The following TSPAN16 variants were observed in gnomAD, a reference collection of about 807,000 sequenced individuals.
TSPAN16 encodes the protein tetraspanin 16.
A neutral mutation model predicts 25.2 loss-of-function variants in TSPAN16; 23 were observed. That is an observed-to-expected ratio of 0.91 (90% CI 0.66 to 1.29). The LOEUF (loss-of-function observed/expected upper bound fraction) is 1.29, where lower values mean the gene tolerates loss of function less well. TSPAN16 is among the 50% of genes most tolerant of loss of function. TSPAN16 has a pLI of 0.00. For missense variants in TSPAN16, 272 were observed against 299.9 expected (o/e 0.91, Z 0.69); for synonymous variants, 123 against 124.4 (o/e 0.99, Z 0.08).
chr19:11,320,047 TG>T (rs1339247344), downstream of TSPAN16, among the ~76,000 whole-genome samples: 3 of 151,516 alleles, frequency 2.0e-5, no homozygotes, highest in African/African-American at 7.3e-5. Flanking sequence ...CTCGATCTCT[TG>T]ACCTCGTGAC....
At chr19:11,315,158 C>G (rs1181705175) in intron 6 of TSPAN16, among the ~76,000 whole-genome samples, 1 of 150,166 alleles carries the variant, frequency 6.7e-6, no homozygotes, top group African/African-American at 2.5e-5. Flanking sequence ...ATTGCTTGAA[C>G]CCGGGAGATG....
downstream of TSPAN16, chr19:11,316,086 G>GGTGTGTGTGTGTGTGTGTGT (rs147500274): frequency 4.1e-4 from 106 of 257,578 alleles, 1 homozygote; most frequent in African/African-American, 3.0e-3. Flanking sequence ...AATTATTCTT[G>GGTGTGTGTGTGTGTGTGTGT]GTGTGTGTGT....
Position 11,298,899 on chromosome 19 carries a change from A to T in TSPAN16, c.295A>T (p.Ile99Phe), listed in dbSNP as rs769346994. ...FCILSMVIVL[I>F]MEVTAATVVL... ...CATCCTGTCAATGGTTATTGTCCTC[A>T]TCATGGAAGTTACAGCTGCCACAGT... is the stretch of plus-strand genomic sequence containing the variant. The change falls in exon 3 of 7, where the codon ATC becomes TTC. Residue 99 changes from isoleucine (I) to phenylalanine (F), a missense_variant. Coordinates refer to ENST00000590327, the MANE Select transcript of TSPAN16 (RefSeq NM_001282509.2). The T allele has an allele frequency of 2.5e-6, 4 of 1,614,032 alleles. No homozygotes were observed. The South Asian group carries it at 4.4e-5, about 18-fold the overall frequency.
intron 5 of TSPAN16, among the ~76,000 whole-genome samples, chr19:11,310,589 A>T (rs564798786): frequency 2.7e-4 from 41 of 151,574 alleles, no homozygotes; most frequent in African/African-American, 8.5e-4. Flanking sequence ...CTGCCAACGC[A>T]CTTTGCCTGG....
downstream of TSPAN16, among the ~76,000 whole-genome samples, chr19:11,320,673 C>CAAA (rs34867288): frequency 4.4e-4 from 50 of 114,378 alleles, no homozygotes; most frequent in African/African-American, 1.1e-3. Flanking sequence ...ACCTTGTCTC[C>CAAA]AAAAAAAAAA....
intron 1 of TSPAN16, 24 bp downstream of exon 1, chr19:11,296,390 C>T (rs752891863): frequency 1.9e-6 from 3 of 1,612,932 alleles, no homozygotes; most frequent in South Asian, 1.1e-5. Flanking sequence ...AATCCAGGCC[C>T]CTGGTTTGTT....
chr19:11,312,069 G>C, intron 5 of TSPAN16, 70 bp from the exon 6 acceptor site: 1 of 1,186,018 alleles, frequency 8.4e-7, no homozygotes, highest in South Asian at 1.3e-5. Context: ...TAATGAGTTG[G>C]GGTTGATGGG....
Position 11,298,124 on chromosome 19 carries a change from C to A in TSPAN16, c.70-18C>A. 3 of 1,613,194 alleles carry A rather than the reference C, an allele frequency of 1.9e-6. No individual in the cohort carries two copies. The highest frequency in any genetic ancestry group is 1.7e-6 in the Non-Finnish European group (2 of 1,179,174). On this transcript the variant is annotated intron_variant, in intron 1 of 6. Coordinates refer to ENST00000590327, the MANE Select transcript of TSPAN16 (RefSeq NM_001282509.2). The stretch of plus-strand genomic sequence containing the variant: ...ACTAACAGATTACTTTTCTTCCTTT[C>A]TGGTTTCTGTTCTAAAGGTGTCTGG...
chr19:11,325,908 T>C (rs28579547), intron 6 of TSPAN16, among the ~76,000 whole-genome samples: 12,654 of 151,628 alleles, frequency 0.083, 1,029 homozygotes, highest in African/African-American at 0.22. Context: ...GCCCTATCTC[T>C]ACAATAAATT....
intron 4 of TSPAN16, among the ~76,000 whole-genome samples, chr19:11,302,660 C>CATATATATATTTTATAT (rs1320880788): frequency 4.1e-5 from 4 of 97,826 alleles, no homozygotes; most frequent in African/African-American, 2.1e-4. Context: ...TATACACATA[C>CATATATATATTTTATAT]ATATATATAT....
At chr19:11,310,723 C>T (rs2080681813) in intron 5 of TSPAN16, among the ~76,000 whole-genome samples, 2 of 152,124 alleles carry the variant, frequency 1.3e-5, no homozygotes, top group Admixed American at 6.6e-5. Flanking sequence ...CCACTGAATA[C>T]GTCAGCTCTT....
At chr19:11,310,690 A>G (rs565883680) in intron 5 of TSPAN16, among the ~76,000 whole-genome samples, 10 of 152,282 alleles carry the variant, frequency 6.6e-5, no homozygotes, top group Non-Finnish European at 1.5e-5. Context: ...AGAAATGAGT[A>G]AGAAAATATG....
At position 11,298,077 on chromosome 19, in the gene TSPAN16, C is replaced by T. The variant is rs541062303; in HGVS notation, c.70-65C>T. ...GATTACAGGCATGAGCCACCGCACT[C>T]ACCCAGTTCTATTTGTATACAACTA... On this transcript the variant is annotated intron_variant, in intron 1 of 6. Transcript: ENST00000590327. 8 of 1,556,716 alleles carry T rather than the reference C, an allele frequency of 5.1e-6. No homozygotes were observed. The Admixed American group carries it at 6.8e-5, about 13-fold the overall frequency.
chr19:11,308,455 C>T lies in TSPAN16; in HGVS notation c.603+1699C>T, dbSNP rs184450647. Among the ~76,000 whole-genome samples, 26 of 151,202 alleles carry T rather than the reference C, an allele frequency of 1.7e-4. No homozygotes were observed. In the East Asian group the frequency reaches 2.3e-3, roughly 14 times the overall value. On this transcript the variant is annotated intron_variant, in intron 5 of 6. Coordinates refer to ENST00000590327, the MANE Select transcript of TSPAN16 (RefSeq NM_001282509.2). ...CTGGGATTACAGGCGTGTGCTACCA[C>T]GCCCAGCTAATTTTTGCATTTTTTT...
intron 6 of TSPAN16, among the ~76,000 whole-genome samples, chr19:11,312,598 A>G (rs1341310877): frequency 6.6e-6 from 1 of 151,920 alleles, no homozygotes; most frequent in African/African-American, 2.4e-5. Context: ...CATCTCTACA[A>G]AAACAAAAAT....
chr19:11,308,398 A>G (rs534104102), intron 5 of TSPAN16, among the ~76,000 whole-genome samples: 1 of 152,202 alleles, frequency 6.6e-6, no homozygotes, highest in South Asian at 2.1e-4. Flanking sequence ...TCCCAGGTTC[A>G]GGTGATTCTC....
intron 4 of TSPAN16, among the ~76,000 whole-genome samples, chr19:11,302,184 G>A (rs1198701370): frequency 2.6e-5 from 4 of 151,956 alleles, no homozygotes; most frequent in East Asian, 1.9e-4. Context: ...ATTGTTGTGC[G>A]ACCATCACCA....
intron 2 of TSPAN16, 95 bp from the exon 3 acceptor site, chr19:11,298,777 G>A: frequency 2.4e-6 from 3 of 1,245,444 alleles, no homozygotes; most frequent in African/African-American, 3.0e-5. Flanking sequence ...GGGGTGGAGG[G>A]TCGGGGGAAC....
chr19:11,296,529 G>A (rs930153369), intron 1 of TSPAN16, among the ~76,000 whole-genome samples, 163 bp downstream of exon 1: 1 of 152,144 alleles, frequency 6.6e-6, no homozygotes, highest in Admixed American at 6.6e-5. Flanking sequence ...AGCAGGGAGC[G>A]TGGGGACCTC....
Sources: allele counts gnomAD v4.1 joint callset (sites outside exome capture counted in the v4.1 genomes callset), GRCh38; gene constraint gnomAD v4.1.1; transcripts MANE v1.5; gene names NCBI Gene and HGNC (gene_info 2026-07-23, HGNC 2026-07-21).